Variants in RPS6KC1 observed in about 807,000 individuals in gnomAD.
RPS6KC1 encodes the protein ribosomal protein S6 kinase C1.
In RPS6KC1, 54 loss-of-function variants were observed where a neutral mutation model predicts 103.8. The observed-to-expected ratio is 0.52, with a 90% confidence interval of 0.42 to 0.65. RPS6KC1 has a LOEUF of 0.65. RPS6KC1 is among the 30% of genes least tolerant of loss of function. The pLI is 0.00. For missense variants in RPS6KC1, 1,151 were observed against 1,253.8 expected (o/e 0.92, Z 1.24); for synonymous variants, 439 against 438.7 (o/e 1.00, Z -0.01).
chr1:213,122,194 T>A (rs1353304776), intron 5 of RPS6KC1, among the ~76,000 whole-genome samples: 1 of 152,132 alleles, frequency 6.6e-6, no homozygotes, highest in Non-Finnish European at 1.5e-5. Flanking sequence ...TAAGATCTGC[T>A]ACATGCAATA....
At chr1:213,562,458 C>A in the RPS6KC1 span, among the ~76,000 whole-genome samples, 3 of 139,824 alleles carry the variant, frequency 2.1e-5, no homozygotes, top group African/African-American at 8.3e-5. Flanking sequence ...GGTGCGATCT[C>A]GGCTCACTGC....
chr1:213,128,091 A>G (rs2085193139), intron 5 of RPS6KC1, among the ~76,000 whole-genome samples: 1 of 152,218 alleles, frequency 6.6e-6, no homozygotes, highest in South Asian at 2.1e-4. Flanking sequence ...AAAGGCTAAT[A>G]CTTGTTTCTT....
the RPS6KC1 span, among the ~76,000 whole-genome samples, chr1:213,837,530 CAA>C: frequency 1.3e-5 from 2 of 152,140 alleles, no homozygotes; most frequent in Non-Finnish European, 1.5e-5. Flanking sequence ...TAACTGTACC[CAA>C]AGACAGGCAT....
the RPS6KC1 span, among the ~76,000 whole-genome samples, chr1:213,674,166 A>G: frequency 6.6e-6 from 1 of 152,084 alleles, no homozygotes; most frequent in African/African-American, 2.4e-5. Context: ...CTACAGGTAC[A>G]TGCCACCACG....
chr1:213,637,570 A>G, the RPS6KC1 span, among the ~76,000 whole-genome samples: 2 of 63,498 alleles, frequency 3.1e-5, no homozygotes, highest in East Asian at 7.9e-4. Context: ...TATAATAATT[A>G]AAAAAATTAG....
chr1:213,688,207 C>T, the RPS6KC1 span, among the ~76,000 whole-genome samples: 4 of 152,178 alleles, frequency 2.6e-5, no homozygotes, highest in Non-Finnish European at 2.9e-5. Context: ...AGTTCTTCCT[C>T]CGTCTCGGTC....
At chr1:213,226,566 G>T (rs1261043382) in intron 8 of RPS6KC1, among the ~76,000 whole-genome samples, 2 of 152,164 alleles carry the variant, frequency 1.3e-5, no homozygotes, top group African/African-American at 4.8e-5. Flanking sequence ...TCTTCTGACA[G>T]ACTTTACTAT....
the RPS6KC1 span, among the ~76,000 whole-genome samples, chr1:213,331,341 T>C: frequency 2.6e-5 from 4 of 152,316 alleles, no homozygotes; most frequent in African/African-American, 9.6e-5. Flanking sequence ...CTCTCACCTA[T>C]GGGTGAGTAC....
chr1:213,416,443 G>A, the RPS6KC1 span, among the ~76,000 whole-genome samples: 328 of 152,376 alleles, frequency 2.2e-3, 1 homozygote, highest in Non-Finnish European at 3.7e-3. Context: ...TGACCAAGAG[G>A]CCTGGCTTGG....
At chr1:213,366,684 C>A in the RPS6KC1 span, among the ~76,000 whole-genome samples, 14 of 152,206 alleles carry the variant, frequency 9.2e-5, no homozygotes, top group African/African-American at 3.1e-4. Flanking sequence ...ATGGGAATGA[C>A]CCCTTCGGGT....
chr1:213,700,479 C>T, the RPS6KC1 span, among the ~76,000 whole-genome samples: 1 of 151,726 alleles, frequency 6.6e-6, no homozygotes, highest in Admixed American at 6.6e-5. Flanking sequence ...TAATGTGATC[C>T]CTACACGTTT....
chr1:213,136,414 T>C (rs898953621), intron 6 of RPS6KC1, among the ~76,000 whole-genome samples: 2 of 151,598 alleles, frequency 1.3e-5, no homozygotes, highest in Non-Finnish European at 2.9e-5. Flanking sequence ...GGCATAACCA[T>C]GGAATGTGGA....
the RPS6KC1 span, among the ~76,000 whole-genome samples, chr1:213,503,173 TG>T: frequency 3.3e-5 from 5 of 152,180 alleles, no homozygotes; most frequent in Admixed American, 2.6e-4. Flanking sequence ...TTTGTAATTT[TG>T]GTTTGCCATG....
chr1:213,604,882 G>A, the RPS6KC1 span, among the ~76,000 whole-genome samples: 5 of 152,192 alleles, frequency 3.3e-5, no homozygotes, highest in African/African-American at 1.2e-4. Context: ...AGTGGGTGAG[G>A]GTGGGGGCAG....
the RPS6KC1 span, among the ~76,000 whole-genome samples, chr1:213,846,018 C>T: frequency 1.0e-4 from 15 of 150,520 alleles, no homozygotes; most frequent in Middle Eastern, 3.2e-3. Flanking sequence ...GCAGGCCGGG[C>T]GGGGTGGCTC....
intron 12 of RPS6KC1, among the ~76,000 whole-genome samples, chr1:213,251,999 T>C (rs1394182705): frequency 6.6e-6 from 1 of 152,214 alleles, no homozygotes; most frequent in East Asian, 1.9e-4. Flanking sequence ...AGAATGGTAG[T>C]TTTCTGAGCA....
chr1:213,755,358 T>C, the RPS6KC1 span, among the ~76,000 whole-genome samples: 200 of 152,318 alleles, frequency 1.3e-3, 1 homozygote, highest in African/African-American at 4.6e-3. Context: ...GAGAGTCCAA[T>C]GGAGAAGGAA....
At chr1:213,490,290 G>A in the RPS6KC1 span, among the ~76,000 whole-genome samples, 3 of 152,178 alleles carry the variant, frequency 2.0e-5, no homozygotes, top group South Asian at 6.2e-4. Flanking sequence ...TACGGACGTT[G>A]AAAGCGGCTT....
chr1:213,711,527 A>G, the RPS6KC1 span, among the ~76,000 whole-genome samples: 1 of 152,098 alleles, frequency 6.6e-6, no homozygotes, highest in Non-Finnish European at 1.5e-5. Context: ...CATTAAACTG[A>G]TTCTCCATCC....
Sources: gnomAD v4.1 joint callset for allele counts (sites outside exome capture counted in the v4.1 genomes callset) on GRCh38, gnomAD v4.1.1 for gene constraint, MANE v1.5 for transcripts, NCBI Gene and HGNC (gene_info 2026-07-23, HGNC 2026-07-21) for gene names.